Variants in SOX6 observed in about 807,000 individuals in gnomAD.
SOX6 encodes the protein SRY-box transcription factor 6.
In SOX6, 11 loss-of-function variants were observed where a neutral mutation model predicts 97.8. That is an observed-to-expected ratio of 0.11 (90% CI 0.07 to 0.19). SOX6 has a LOEUF of 0.19. Among genes scored for constraint, SOX6 ranks in the 10% least tolerant of loss-of-function variants. The pLI, the probability that SOX6 is intolerant of heterozygous loss-of-function variation, is 1.00. For synonymous variants in SOX6, 360 were observed against 371.4 expected (o/e 0.97, Z 0.35); for missense variants, 810 against 1,039.5 (o/e 0.78, Z 3.04).
Position 16,230,024 on chromosome 11 carries a change from C to T in SOX6, c.535+4558G>A, listed in dbSNP as rs1852802588. ...TATGAGCAAATAAAATGATGCAGTA[C>T]ATTTAAACAAGACTATACCACGACT... On this transcript the variant is annotated intron_variant, in intron 4 of 15. Transcript: ENST00000683767. Among the ~76,000 whole-genome samples, 3 of 151,686 alleles carry T rather than the reference C, an allele frequency of 2.0e-5. No homozygotes were observed. The South Asian group carries it at 6.2e-4, about 31-fold the overall frequency.
At chr11:16,717,866 CTT>C (rs796071914) in intron 2 of SOX6, among the ~76,000 whole-genome samples, 3 of 135,928 alleles carry the variant, frequency 2.2e-5, no homozygotes, top group Non-Finnish European at 1.6e-5. Context: ...CCTCTTTGTT[CTT>C]TTTTTTTTTT....
intron 12 of SOX6, among the ~76,000 whole-genome samples, chr11:16,016,730 T>C (rs965821670): frequency 1.3e-5 from 2 of 152,190 alleles, no homozygotes; most frequent in African/African-American, 4.8e-5. Flanking sequence ...AGATGAGTAG[T>C]ACCAGGGAAA....
intron 2 of SOX6, among the ~76,000 whole-genome samples, chr11:16,717,451 G>A (rs548515963): frequency 1.4e-4 from 21 of 151,972 alleles, no homozygotes; most frequent in Non-Finnish European, 1.9e-4. Context: ...AAATCTACAC[G>A]TCACCAAATG....
intron 2 of SOX6, among the ~76,000 whole-genome samples, chr11:16,732,407 G>C (rs1478925094): frequency 6.6e-6 from 1 of 152,154 alleles, no homozygotes; most frequent in Non-Finnish European, 1.5e-5. Flanking sequence ...CAACAGAACA[G>C]AACAGAGGCT....
intron 3 of SOX6, among the ~76,000 whole-genome samples, chr11:16,648,359 G>C (rs1456315871): frequency 6.6e-6 from 1 of 151,958 alleles, no homozygotes; most frequent in African/African-American, 2.4e-5. Flanking sequence ...CCCAAGGAGA[G>C]TCTGAGCCCA....
At chr11:16,511,235 A>G (rs12284210) in intron 4 of SOX6, among the ~76,000 whole-genome samples, 50 of 152,242 alleles carry the variant, frequency 3.3e-4, no homozygotes, top group African/African-American at 1.1e-3. Context: ...AAGCACATGG[A>G]TGTATTCTAT....
intron 4 of SOX6, among the ~76,000 whole-genome samples, chr11:16,483,058 T>C (rs1860371520): frequency 1.3e-5 from 2 of 152,182 alleles, no homozygotes; most frequent in South Asian, 2.1e-4. Flanking sequence ...CCCATTACGA[T>C]GAAAATAGTT....
intron 6 of SOX6, among the ~76,000 whole-genome samples, chr11:16,151,037 A>G (rs538666161): frequency 6.6e-6 from 1 of 152,296 alleles, no homozygotes; most frequent in South Asian, 2.1e-4. Context: ...TTTTATTTAA[A>G]CCAAAGGCAG....
chr11:16,228,146 C>T (rs1022818538), intron 4 of SOX6, among the ~76,000 whole-genome samples: 5 of 150,990 alleles, frequency 3.3e-5, no homozygotes, highest in African/African-American at 1.2e-4. Flanking sequence ...TGCAGTGAGC[C>T]GAGACTGCAC....
At chr11:16,694,523 T>C (rs1253548897) in intron 3 of SOX6, among the ~76,000 whole-genome samples, 1 of 152,182 alleles carries the variant, frequency 6.6e-6, no homozygotes, top group Non-Finnish European at 1.5e-5. Flanking sequence ...ACCCTGTCTC[T>C]ATAAAAAAAT....
chr11:16,252,517 G>C (rs1057319989), intron 3 of SOX6: 1 of 152,232 alleles, frequency 6.6e-6, no homozygotes, highest in African/African-American at 2.4e-5. Context: ...AAAGGGGATG[G>C]CCACACTTTG....
At position 15,969,289 on chromosome 11, in the gene SOX6, C is replaced by T. The variant is rs141801453; in HGVS notation, c.*3520G>A. 6.6e-6 allele frequency: 1 copy of T among 152,258 alleles called. No individual in the cohort carries two copies. The highest frequency in any genetic ancestry group is 2.1e-4 in the South Asian group (1 of 4,818). 9.4% of individuals were successfully genotyped at this position (152,258 alleles called of 1,614,324 possible). On this transcript the variant is annotated 3_prime_UTR_variant, in exon 16 of 16. Transcript: ENST00000683767. Reference sequence around the variant, plus strand: ...GACGGGACGTTTATTAACGGCCGATCTCAGAGGTGGATTTTTGCCTTTGTA... The same window carrying T: ...GACGGGACGTTTATTAACGGCCGATTTCAGAGGTGGATTTTTGCCTTTGTA...
chr11:16,676,120 CATA>C (rs1423977291), intron 3 of SOX6, among the ~76,000 whole-genome samples: 1 of 145,674 alleles, frequency 6.9e-6, no homozygotes, highest in Non-Finnish European at 1.5e-5. Flanking sequence ...TGATCTTCAG[CATA>C]ATCTCAACTG....
intron 9 of SOX6, among the ~76,000 whole-genome samples, chr11:16,057,129 T>A (rs944221394): frequency 2.6e-5 from 4 of 152,160 alleles, no homozygotes; most frequent in African/African-American, 9.7e-5. Flanking sequence ...TGTATTTATA[T>A]CCTTATTTGT....
At chr11:15,988,859 C>A (rs1479750154) in intron 14 of SOX6, 138 bp downstream of exon 14, 2 of 800,196 alleles carry the variant, frequency 2.5e-6, no homozygotes, top group African/African-American at 3.4e-5. Context: ...GCTCCTGCGG[C>A]AGCTGGCTGA....
intron 4 of SOX6, among the ~76,000 whole-genome samples, chr11:16,497,627 C>A (rs1463044532): frequency 6.6e-6 from 1 of 152,058 alleles, no homozygotes. Flanking sequence ...CTTAAAGGAC[C>A]TGACAGAGCT....
intron 3 of SOX6, among the ~76,000 whole-genome samples, chr11:16,671,607 A>G (rs1288795674): frequency 6.6e-6 from 1 of 152,206 alleles, no homozygotes; most frequent in Admixed American, 6.5e-5. Flanking sequence ...AGAAAAGAAA[A>G]TGAAAAAAAA....
rs1411772683 is a variant in SOX6, at chr11:16,221,039, T to C, written c.535+13543A>G. 2.6e-5 allele frequency among the ~76,000 whole-genome samples: 4 copies of C among 152,076 alleles called. No individual in the cohort carries two copies. The South Asian group carries it at 8.3e-4, about 31-fold the overall frequency. On this transcript the variant is annotated intron_variant, in intron 4 of 15. Transcript: ENST00000683767. ...AGTTAACTTATTGTCAAGGTAATTATGTGCTAATCTAAGGTTCTAGTCCAG... is the reference window on the plus strand; with the variant it reads ...AGTTAACTTATTGTCAAGGTAATTACGTGCTAATCTAAGGTTCTAGTCCAG...
At chr11:16,307,642 T>G (rs1332731739) in intron 3 of SOX6, among the ~76,000 whole-genome samples, 3 of 152,208 alleles carry the variant, frequency 2.0e-5, no homozygotes, top group Non-Finnish European at 2.9e-5. Context: ...GGAATCCCAG[T>G]GCACACAGTT....
Sources: allele counts gnomAD v4.1 joint callset (sites outside exome capture counted in the v4.1 genomes callset), GRCh38; gene constraint gnomAD v4.1.1; transcripts MANE v1.5; gene names NCBI Gene and HGNC (gene_info 2026-07-23, HGNC 2026-07-21).